LCORL: variants seen among roughly 807,000 people sequenced by gnomAD.
LCORL encodes the protein ligand dependent nuclear receptor corepressor like.
A neutral mutation model predicts 141.8 loss-of-function variants in LCORL; 41 were observed. The ratio of observed to expected loss-of-function variants is 0.29; its 90% CI spans 0.23 to 0.38. LCORL has a LOEUF of 0.38. Among genes scored for constraint, LCORL ranks in the 10% least tolerant of loss-of-function variants. The pLI is 1.00. For synonymous variants in LCORL, 618 were observed against 694.1 expected (o/e 0.89, Z 1.72); for missense variants, 1,759 against 2,035.0 (o/e 0.86, Z 2.61).
chr4:17,905,404 T>C (rs1577378405), intron 5 of LCORL, among the ~76,000 whole-genome samples: 1 of 152,276 alleles, frequency 6.6e-6, no homozygotes, highest in East Asian at 1.9e-4. Flanking sequence ...CATTATTTAT[T>C]ATGTTCTTAT....
intron 4 of LCORL, among the ~76,000 whole-genome samples, chr4:17,919,333 A>T (rs1733944629): frequency 6.6e-6 from 1 of 152,180 alleles, no homozygotes; most frequent in Admixed American, 6.5e-5. Context: ...GAGAGAAATT[A>T]ATCCCAATCC....
intron 7 of LCORL, among the ~76,000 whole-genome samples, chr4:17,869,712 T>A (rs1328424802): frequency 6.6e-6 from 1 of 152,192 alleles, no homozygotes; most frequent in African/African-American, 2.4e-5. Context: ...CACAAATCCT[T>A]ATTTCAGCTC....
At chr4:17,992,651 A>G (rs953065524) in intron 1 of LCORL, among the ~76,000 whole-genome samples, 1 of 152,226 alleles carries the variant, frequency 6.6e-6, no homozygotes, top group African/African-American at 2.4e-5. Context: ...AATTATTATC[A>G]GTCAAGGAGC....
intron 4 of LCORL, among the ~76,000 whole-genome samples, chr4:17,929,257 G>C (rs538361511): frequency 4.6e-5 from 7 of 152,272 alleles, no homozygotes; most frequent in Admixed American, 4.6e-4. Context: ...CCAGTTGGTA[G>C]TTTTATAGAA....
chr4:17,866,653 A>G (rs1222815916), intron 7 of LCORL, among the ~76,000 whole-genome samples: 1 of 152,166 alleles, frequency 6.6e-6, no homozygotes, highest in Admixed American at 6.5e-5. Flanking sequence ...CAAGAAAAAA[A>G]AAAGTGGCAA....
exon 7 of LCORL, chr4:17,874,266 T>G (rs1726683777): frequency 8.1e-7 from 1 of 1,233,860 alleles, no homozygotes; most frequent in Non-Finnish European, 1.0e-6. Flanking sequence ...AGCCACTTTA[T>G]GCAGTATATG....
At chr4:17,998,619 T>C (rs1305406273) in intron 1 of LCORL, among the ~76,000 whole-genome samples, 7 of 152,074 alleles carry the variant, frequency 4.6e-5, no homozygotes, top group Non-Finnish European at 1.0e-4. Context: ...AACAATGCCT[T>C]CTTCTGGAAT....
intron 4 of LCORL, among the ~76,000 whole-genome samples, chr4:17,923,131 G>C (rs1734563501): frequency 6.6e-6 from 1 of 152,142 alleles, no homozygotes; most frequent in Non-Finnish European, 1.5e-5. Flanking sequence ...CAAAATAACT[G>C]CTTGAGTTTT....
exon 8 of LCORL, chr4:17,843,950 A>ACTT (rs1000798429): frequency 4.6e-5 from 7 of 151,966 alleles, no homozygotes; most frequent in African/African-American, 1.4e-4. Flanking sequence ...TTTGACAAAA[A>ACTT]CTTATTTTGT....
intron 1 of LCORL, among the ~76,000 whole-genome samples, chr4:18,019,908 A>C (rs1264327229): frequency 6.6e-6 from 1 of 152,252 alleles, no homozygotes; most frequent in Non-Finnish European, 1.5e-5. Context: ...AAGAAGCACA[A>C]ACAACAATAT....
chr4:17,851,959 C>T (rs993475113), intron 7 of LCORL, among the ~76,000 whole-genome samples: 1 of 152,098 alleles, frequency 6.6e-6, no homozygotes, highest in Admixed American at 6.5e-5. Context: ...TTTGTGTTCC[C>T]TTTTTATGTG....
intron 4 of LCORL, among the ~76,000 whole-genome samples, chr4:17,923,260 C>T (rs932053573): frequency 2.6e-5 from 4 of 152,224 alleles, no homozygotes; most frequent in African/African-American, 9.6e-5. Context: ...TTTAGGCTCA[C>T]TAAGCAGGAA....
rs1374815646 is a variant in LCORL, at chr4:17,998,985, A to AAAAAAAT, written c.154+22612_154+22613insATTTTTT. 2.6e-3 allele frequency among the ~76,000 whole-genome samples: 152 copies of AAAAAAAT among 57,872 alleles called. 2 individuals are homozygous for AAAAAAAT. The highest frequency in any genetic ancestry group is 0.024 in the East Asian group (53 of 2,230). 38.0% of individuals were successfully genotyped at this position (57,872 alleles called of 152,430 possible). ...GTCTCAAAAAAAAAAAAAAAAAAAA[A>AAAAAAAT]ATATATATATATATATATACACACA... On this transcript the variant is annotated intron_variant, in intron 1 of 7. Transcript: ENST00000635767.
At chr4:17,847,003 A>G (rs748151020) in intron 7 of LCORL, among the ~76,000 whole-genome samples, 1 of 152,226 alleles carries the variant, frequency 6.6e-6, no homozygotes, top group Non-Finnish European at 1.5e-5. Context: ...AAAATTCAAT[A>G]AACATTTATA....
chr4:17,889,956 G>C (rs1025081209), intron 5 of LCORL, among the ~76,000 whole-genome samples: 2 of 151,894 alleles, frequency 1.3e-5, no homozygotes. Flanking sequence ...AAAATTAAGC[G>C]CCCAGCATGC....
chr4:17,904,428 T>C (rs1022592853), intron 5 of LCORL, among the ~76,000 whole-genome samples: 1 of 152,128 alleles, frequency 6.6e-6, no homozygotes, highest in African/African-American at 2.4e-5. Context: ...TATAGTCAAA[T>C]ATACAAAATT....
chr4:17,970,619 A>G (rs1488686347), intron 2 of LCORL, among the ~76,000 whole-genome samples: 1 of 152,192 alleles, frequency 6.6e-6, no homozygotes, highest in Admixed American at 6.5e-5. Flanking sequence ...ATGGGCAATA[A>G]AGGCACTTTT....
chr4:18,014,874 C>A (rs1199821811), intron 1 of LCORL, among the ~76,000 whole-genome samples: 1 of 152,132 alleles, frequency 6.6e-6, no homozygotes, highest in Non-Finnish European at 1.5e-5. Context: ...TACTTGATTA[C>A]AGATTCAGCT....
At chr4:17,905,248 C>A (rs962511000) in intron 5 of LCORL, among the ~76,000 whole-genome samples, 1 of 151,874 alleles carries the variant, frequency 6.6e-6, no homozygotes, top group Non-Finnish European at 1.5e-5. Context: ...AGTGGAAGTG[C>A]CCATCTATTA....
Sources: gnomAD v4.1 joint callset for allele counts (sites outside exome capture counted in the v4.1 genomes callset) on GRCh38, gnomAD v4.1.1 for gene constraint, MANE v1.5 for transcripts, NCBI Gene and HGNC (gene_info 2026-07-23, HGNC 2026-07-21) for gene names.